Variants in EVC observed in about 807,000 individuals in gnomAD.
EVC encodes the protein evC complex member EVC.
In EVC, 116 loss-of-function variants were observed where a neutral mutation model predicts 118.9. The observed-to-expected ratio is 0.98, with a 90% confidence interval of 0.84 to 1.14. The LOEUF is 1.14. EVC is among the 50% of genes most tolerant of loss of function. The pLI is 0.00. For synonymous variants in EVC, 619 were observed against 534.7 expected (o/e 1.16, Z -2.18); for missense variants, 1,401 against 1,246.4 (o/e 1.12, Z -1.87).
chr4:5,780,806 AC>A (rs1735490384), intron 11 of EVC, among the ~76,000 whole-genome samples: 2 of 152,216 alleles, frequency 1.3e-5, no homozygotes, highest in Admixed American at 1.3e-4. Flanking sequence ...CTATAGTTGT[AC>A]CCATGGCTAA....
chr4:5,771,007 A>T (rs551232810), intron 11 of EVC, among the ~76,000 whole-genome samples: 1 of 131,240 alleles, frequency 7.6e-6, no homozygotes, highest in African/African-American at 2.8e-5. Context: ...GCGAGACTTC[A>T]TTTCAAAAAA....
At position 5,754,110 on chromosome 4, in the gene EVC, T is replaced by A. The variant is rs2302074; in HGVS notation, c.1464+177T>A. On this transcript the variant is annotated intron_variant, in intron 10 of 20. Transcript: ENST00000264956. This position sits in a 1 kb window ranked among gnomAD's most constrained non-coding sequence, Gnocchi z 5.8. The stretch of plus-strand genomic sequence containing the variant: ...AGCCCCTACATCCCTAGGGTCCTAG[T>A]GGACTGTAAGCTGGTGATAAGAGTT... Among the ~76,000 whole-genome samples, 21,873 of 152,102 alleles carry A rather than the reference T, an allele frequency of 0.14. 1,667 individuals carry two copies. The highest frequency in any genetic ancestry group is 0.2 in the South Asian group (972 of 4,808).
At chr4:5,739,022 A>G (rs1258193628) in intron 5 of EVC, among the ~76,000 whole-genome samples, 1 of 152,210 alleles carries the variant, frequency 6.6e-6, no homozygotes, top group African/African-American at 2.4e-5. Flanking sequence ...TATATGCACT[A>G]GAAAACCAAA....
At chr4:5,744,835 G>A (rs1315195259) in intron 6 of EVC, among the ~76,000 whole-genome samples, 1 of 152,134 alleles carries the variant, frequency 6.6e-6, no homozygotes, top group Admixed American at 6.5e-5. Context: ...GCCCTGGGGT[G>A]TTGTTCTTTC....
At chr4:5,735,113 A>G (rs1420420915) in intron 5 of EVC, among the ~76,000 whole-genome samples, 1 of 152,140 alleles carries the variant, frequency 6.6e-6, no homozygotes, top group Non-Finnish European at 1.5e-5. Flanking sequence ...ACTGTGTCAG[A>G]CCCCAGGGGC....
chr4:5,753,130 C>A, intron 9 of EVC, 78 bp downstream of exon 9: 1 of 1,342,874 alleles, frequency 7.4e-7, no homozygotes, highest in Non-Finnish European at 1.0e-6. Flanking sequence ...AGAGGGCTGG[C>A]AGCCTGGGGC....
At chr4:5,750,320 T>C (rs1370492363) in intron 8 of EVC, among the ~76,000 whole-genome samples, 1 of 152,212 alleles carries the variant, frequency 6.6e-6, no homozygotes, top group African/African-American at 2.4e-5. Context: ...AGGATATTGA[T>C]GCAGAAAAAA....
At chr4:5,828,119 C>T in the EVC span, 9 of 985,414 alleles carry the variant, frequency 9.1e-6, no homozygotes, top group African/African-American at 1.4e-4. Context: ...TCTGGCTAAG[C>T]CCTTCACTGC....
Position 5,811,282 on chromosome 4 carries a change from C to A in EVC, c.*245C>A. The A allele has an allele frequency of 2.1e-6, 1 of 486,522 alleles. No individual in the cohort carries two copies. Among genetic ancestry groups the A allele is most frequent in the Non-Finnish European group, 3.8e-6 (1 of 265,864 alleles). The allele number at this position is 486,522 out of a possible 1,614,324, so 30.1% of individuals were successfully genotyped here. On this transcript the variant is annotated 3_prime_UTR_variant, in exon 21 of 21. Coordinates refer to ENST00000264956, the MANE Select transcript of EVC (RefSeq NM_153717.3). ...AGTTTGCATTTCATTTGGCTTGGAG[C>A]CCTGGCTCGATGCCTCATGGATCTT... is the stretch of plus-strand genomic sequence containing the variant.
intron 11 of EVC, among the ~76,000 whole-genome samples, chr4:5,783,123 CAAGT>C (rs770812136): frequency 6.6e-6 from 1 of 151,756 alleles, no homozygotes; most frequent in Non-Finnish European, 1.5e-5. Context: ...TCTATGTGTG[CAAGT>C]ATGTATGAGT....
intron 12 of EVC, among the ~76,000 whole-genome samples, chr4:5,791,540 T>C (rs932155582): frequency 1.3e-5 from 2 of 152,204 alleles, no homozygotes; most frequent in African/African-American, 4.8e-5. Context: ...TGGAATCTTA[T>C]TTCTCCTTCT....
rs1244751274 is a variant in EVC at position 5,748,135 on chromosome 4, G to T, written c.940-13G>T. The T allele has an allele frequency of 6.2e-7, 1 of 1,614,050 alleles. No homozygotes were observed. Among genetic ancestry groups the T allele is most frequent in the African/African-American group, 1.3e-5 (1 of 74,932 alleles). ...TTTCACCTCACTTCTTGCTGCTTGT[G>T]CTCATTTCACAGATGGAAGCTTTCT... On this transcript the variant is annotated splice_polypyrimidine_tract_variant and intron_variant, in intron 7 of 20. Coordinates refer to ENST00000264956, the MANE Select transcript of EVC (RefSeq NM_153717.3).
intron 2 of EVC, among the ~76,000 whole-genome samples, chr4:5,728,735 T>C (rs1302199426): frequency 6.6e-6 from 1 of 152,220 alleles, no homozygotes; most frequent in African/African-American, 2.4e-5. Context: ...AACTCTTGTG[T>C]GTGAATATGA....
At chr4:5,761,373 C>T (rs1442295140) in intron 11 of EVC, among the ~76,000 whole-genome samples, 2 of 151,908 alleles carry the variant, frequency 1.3e-5, no homozygotes, top group African/African-American at 4.9e-5. Context: ...GTGTCACAAT[C>T]AATCGAGGTT....
intron 2 of EVC, among the ~76,000 whole-genome samples, chr4:5,724,840 A>G (rs1489491983): frequency 1.3e-5 from 2 of 152,082 alleles, no homozygotes; most frequent in African/African-American, 2.4e-5. Context: ...TGTTAAGCCC[A>G]GCATGCACTA....
chr4:5,785,351 G>C (rs562327350), intron 12 of EVC, among the ~76,000 whole-genome samples: 5 of 152,298 alleles, frequency 3.3e-5, no homozygotes, highest in African/African-American at 1.2e-4. Flanking sequence ...GCCCCTACAT[G>C]CTTATTGTCA....
At chr4:5,712,112 G>A (rs1332526204) in intron 1 of EVC, among the ~76,000 whole-genome samples, 3 of 152,216 alleles carry the variant, frequency 2.0e-5, no homozygotes, top group Non-Finnish European at 4.4e-5. Context: ...GAACCTCAAG[G>A]AGAAGGACGA....
intron 19 of EVC, among the ~76,000 whole-genome samples, chr4:5,810,034 GC>G (rs1182451614): frequency 1.3e-5 from 2 of 152,224 alleles, no homozygotes; most frequent in Non-Finnish European, 2.9e-5. Flanking sequence ...GTTTTCAGTT[GC>G]TTGCTGCTTC....
At chr4:5,816,306 A>T (rs549680847), downstream of EVC, among the ~76,000 whole-genome samples, 1 of 152,126 alleles carries the variant, frequency 6.6e-6, no homozygotes, top group Non-Finnish European at 1.5e-5. Flanking sequence ...TGGGTCCCCA[A>T]CGGCAAGGAG....
Sources: allele counts gnomAD v4.1 joint callset (sites outside exome capture counted in the v4.1 genomes callset), GRCh38; gene constraint gnomAD v4.1.1; non-coding constraint Gnocchi (gnomAD v3.1); transcripts MANE v1.5; gene names NCBI Gene and HGNC (gene_info 2026-07-23, HGNC 2026-07-21).